The following MBD2 variants were observed in gnomAD, a reference collection of about 807,000 sequenced individuals.
MBD2 encodes methyl-CpG-binding domain protein 2.
A neutral mutation model predicts 39.3 loss-of-function variants in MBD2; 9 were observed. That is an observed-to-expected ratio of 0.23 (90% CI 0.14 to 0.40). MBD2 has a LOEUF of 0.40. MBD2 is among the 10% of genes least tolerant of loss of function. MBD2 has a pLI of 1.00. For missense variants in MBD2, 458 were observed against 532.6 expected (o/e 0.86, Z 1.38); for synonymous variants, 233 against 211.1 (o/e 1.10, Z -0.90).
rs556189988 is a variant in MBD2, at chr18:54,213,169, G to C, written c.543-8012C>G. Among the ~76,000 whole-genome samples, 4 of 152,004 alleles carry C rather than the reference G, an allele frequency of 2.6e-5. No homozygotes were observed. In the South Asian group the frequency reaches 8.3e-4, roughly 32 times the overall value. On this transcript the variant is annotated intron_variant, in intron 1 of 6. Transcript: ENST00000256429. ...GCTAATAGTATTATCTCTATTTCAC[G>C]GATCCCTAAGCCCTAGCCCTGGCCA...
At chr18:54,213,479 C>T (rs1304866776) in intron 1 of MBD2, among the ~76,000 whole-genome samples, 1 of 152,180 alleles carries the variant, frequency 6.6e-6, no homozygotes, top group South Asian at 2.1e-4. Context: ...GGGACCACTG[C>T]TCTGTATCAT....
intron 2 of MBD2, chr18:54,202,712 C>A: frequency 8.2e-7 from 1 of 1,217,174 alleles, no homozygotes; most frequent in Non-Finnish European, 1.1e-6. Context: ...ATTTAATAAA[C>A]ATTTATTACC....
At chr18:54,181,340 T>C (rs909586761) in intron 3 of MBD2, among the ~76,000 whole-genome samples, 3 of 152,194 alleles carry the variant, frequency 2.0e-5, no homozygotes, top group African/African-American at 7.2e-5. Context: ...TTTAAGAGTA[T>C]AAATTTTCTA....
intron 2 of MBD2, among the ~76,000 whole-genome samples, chr18:54,190,711 C>A (rs1259630220): frequency 5.3e-5 from 8 of 152,136 alleles, no homozygotes; most frequent in Non-Finnish European, 1.0e-4. Flanking sequence ...AAATATGTTT[C>A]ATTATACATC....
chr18:54,166,839 G>A (rs1329731140), intron 3 of MBD2, among the ~76,000 whole-genome samples: 1 of 152,198 alleles, frequency 6.6e-6, no homozygotes, highest in African/African-American at 2.4e-5. Context: ...TGCCCTAGGG[G>A]CTATGGAGCC....
chr18:54,209,297 C>CAAAAAA (rs34165824), intron 1 of MBD2, among the ~76,000 whole-genome samples: 2 of 67,600 alleles, frequency 3.0e-5, no homozygotes, highest in African/African-American at 7.2e-5. Flanking sequence ...ACTCCATCTC[C>CAAAAAA]AAAAAAAAAA....
chr18:54,199,407 G>T (rs991120927), intron 2 of MBD2, among the ~76,000 whole-genome samples: 9 of 152,120 alleles, frequency 5.9e-5, no homozygotes, highest in African/African-American at 1.9e-4. Flanking sequence ...CTCTCCACAA[G>T]ATTCATTTAT....
chr18:54,202,828 T>A (rs140913658), intron 2 of MBD2: 1 of 1,531,952 alleles, frequency 6.5e-7, no homozygotes, highest in African/African-American at 1.4e-5. Context: ...CCTGCCCTCA[T>A]GGAGCTCACA....
chr18:54,205,777 G>A (rs776044420), intron 1 of MBD2, among the ~76,000 whole-genome samples: 4 of 151,898 alleles, frequency 2.6e-5, no homozygotes, highest in Non-Finnish European at 5.9e-5. Context: ...CAAACTTCAT[G>A]CACAGTGTAA....
rs202216569 is a variant in MBD2, at chr18:54,193,402, G to C, written c.703-4391C>G. On this transcript the variant is annotated intron_variant, in intron 2 of 6. Coordinates refer to ENST00000256429, the MANE Select transcript of MBD2 (RefSeq NM_003927.5). ...TATCAGAACTAAGTTTCCAACCTTT[G>C]ACAAAACTATGTACAGACTAGCCCT... 9.9e-5 allele frequency among the ~76,000 whole-genome samples: 15 copies of C among 152,172 alleles called. No homozygotes were observed. In the East Asian group the frequency reaches 2.7e-3, roughly 27 times the overall value.
chr18:54,202,039 A>G (rs545497596), intron 2 of MBD2, among the ~76,000 whole-genome samples: 7 of 152,048 alleles, frequency 4.6e-5, no homozygotes, highest in East Asian at 1.9e-4. Context: ...TTCTTTCAAG[A>G]TAAGAGTTTA....
rs1403593325 is a variant in MBD2 at position 54,224,068 on chromosome 18, C to T, written c.492G>A (p.Val164=). Residue 164 remains valine, a synonymous_variant, in exon 1 of 7, where the codon GTG becomes GTA. Transcript: ENST00000256429. The part of the protein sequence containing the change: ...ALPPGWKKEE[V]IRKSGLSAGK... ...CAGCACTTAGCCCAGATTTTCGGAT[C>T]ACTTCCTCCTTCTTCCATCCGGGGG... 6.2e-7 allele frequency: 1 copy of T among 1,603,170 alleles called. No homozygotes were observed. The highest frequency in any genetic ancestry group is 1.1e-5 in the South Asian group (1 of 90,814).
At chr18:54,222,199 T>C (rs1177599752) in intron 1 of MBD2, 2 of 332,902 alleles carry the variant, frequency 6.0e-6, no homozygotes, top group African/African-American at 2.2e-5. Context: ...AAACGAACAA[T>C]TGTGAACGGC....
intron 3 of MBD2, among the ~76,000 whole-genome samples, chr18:54,168,298 C>CA (rs1182411748): frequency 2.6e-5 from 4 of 151,130 alleles, no homozygotes; most frequent in Non-Finnish European, 5.9e-5. Context: ...GAAAACAATA[C>CA]AAAAAATTTA....
chr18:54,224,470 G>A lies in MBD2; in HGVS notation c.90C>T (p.Ser30=). ...TGCCCTGGCCCCCCTGCTCTATGGC[G>A]GAGTCGCCGCCAGCGCCGCTGCCGC... ...AAGGSGAGGD[S]AIEQGGQGSA... is the part of the protein sequence containing the mutation. Residue 30 remains serine, a synonymous_variant, in exon 1 of 7, where the codon TCC becomes TCT. Coordinates refer to ENST00000256429, the MANE Select transcript of MBD2 (RefSeq NM_003927.5). 1 of 1,232,446 alleles carries A rather than the reference G, an allele frequency of 8.1e-7. No homozygotes were observed. The highest frequency in any genetic ancestry group is 1.0e-6 in the Non-Finnish European group (1 of 989,592). The allele number at this position is 1,232,446 out of a possible 1,614,324, so 76.3% of individuals were successfully genotyped here.
chr18:54,166,308 T>C (rs894515094), intron 3 of MBD2, 142 bp from the exon 4 acceptor site: 12 of 618,492 alleles, frequency 1.9e-5, no homozygotes, highest in Non-Finnish European at 3.5e-5. Flanking sequence ...AGCTAAATGA[T>C]ATTCCAAACA....
intron 5 of MBD2, among the ~76,000 whole-genome samples, chr18:54,161,746 C>A (rs1056717476): frequency 1.3e-5 from 2 of 152,202 alleles, no homozygotes. Flanking sequence ...CCCCAACAGT[C>A]CCTCTTCCCC....
At chr18:54,160,379 G>C (rs1378344458) in intron 5 of MBD2, among the ~76,000 whole-genome samples, 1 of 152,110 alleles carries the variant, frequency 6.6e-6, no homozygotes, top group Non-Finnish European at 1.5e-5. Context: ...AGTTAGGAGA[G>C]AGCTCTCTCC....
At chr18:54,159,941 G>C (rs531979665) in intron 5 of MBD2, 38 bp from the exon 6 acceptor site, 1 of 1,603,734 alleles carries the variant, frequency 6.2e-7, no homozygotes. Flanking sequence ...TGAGAATTTG[G>C]CAAGTAATGA....
Sources: allele counts gnomAD v4.1 joint callset (sites outside exome capture counted in the v4.1 genomes callset), GRCh38; gene constraint gnomAD v4.1.1; transcripts MANE v1.5; gene names NCBI Gene and HGNC (gene_info 2026-07-23, HGNC 2026-07-21).